ELP4: variants seen among roughly 807,000 people sequenced by gnomAD.
The protein encoded by ELP4 is elongator complex protein 4.
A neutral mutation model predicts 48.9 loss-of-function variants in ELP4; 51 were observed. That is an observed-to-expected ratio of 1.04 (90% CI 0.83 to 1.32). The LOEUF is 1.32. Among genes scored for constraint, ELP4 ranks in the 40% most tolerant of loss-of-function variants. The pLI is 0.00. For missense variants in ELP4, 519 were observed against 514.6 expected (o/e 1.01, Z -0.08); for synonymous variants, 210 against 189.2 (o/e 1.11, Z -0.90).
chr11:31,683,394 T>A (rs1946096001), intron 9 of ELP4, among the ~76,000 whole-genome samples: 1 of 152,178 alleles, frequency 6.6e-6, no homozygotes, highest in African/African-American at 2.4e-5. Flanking sequence ...TTTCCATTTT[T>A]AAAAATATAA....
intron 3 of ELP4, among the ~76,000 whole-genome samples, chr11:31,587,440 G>A (rs1229485299): frequency 6.6e-6 from 1 of 152,168 alleles, no homozygotes; most frequent in African/African-American, 2.4e-5. Flanking sequence ...AGGGGAAAAG[G>A]AAAGAGAAAT....
At chr11:31,756,738 A>G (rs1947840886) in intron 9 of ELP4, among the ~76,000 whole-genome samples, 1 of 152,174 alleles carries the variant, frequency 6.6e-6, no homozygotes, top group African/African-American at 2.4e-5. Context: ...AGTATTAAGC[A>G]AAAAAAGTTT....
chr11:31,730,074 A>G (rs1016531511), intron 9 of ELP4, among the ~76,000 whole-genome samples: 3 of 152,190 alleles, frequency 2.0e-5, no homozygotes, highest in Non-Finnish European at 4.4e-5. Context: ...ATACTCCCAC[A>G]CCCCAGGCAA....
chr11:31,696,265 G>A (rs534198082), intron 9 of ELP4, among the ~76,000 whole-genome samples: 3 of 152,198 alleles, frequency 2.0e-5, no homozygotes, highest in African/African-American at 7.2e-5. Flanking sequence ...ATGTTAGGGT[G>A]TCAATTTTAG....
intron 9 of ELP4, among the ~76,000 whole-genome samples, chr11:31,742,967 A>C (rs1195979034): frequency 1.3e-5 from 2 of 152,210 alleles, no homozygotes; most frequent in African/African-American, 2.4e-5. Flanking sequence ...AAATGGATAA[A>C]GAGTCAAGAC....
At chr11:31,750,382 C>A (rs562972716) in intron 9 of ELP4, among the ~76,000 whole-genome samples, 32 of 152,046 alleles carry the variant, frequency 2.1e-4, no homozygotes, top group African/African-American at 7.0e-4. Context: ...AACAATGAAG[C>A]TTTCAGGAAA....
At chr11:31,623,382 TA>T (rs1944666410) in intron 5 of ELP4, among the ~76,000 whole-genome samples, 1 of 92,048 alleles carries the variant, frequency 1.1e-5, no homozygotes, top group African/African-American at 3.7e-5. Flanking sequence ...TATATATATA[TA>T]TATATATAAA....
At chr11:31,553,759 CACACA>C (rs1956889112) in intron 3 of ELP4, among the ~76,000 whole-genome samples, 2 of 151,632 alleles carry the variant, frequency 1.3e-5, no homozygotes, top group African/African-American at 4.9e-5. Flanking sequence ...CACACACACA[CACACA>C]CCCTATTGGT....
intron 5 of ELP4, among the ~76,000 whole-genome samples, chr11:31,616,625 T>C (rs1337610221): frequency 2.6e-5 from 4 of 152,008 alleles, no homozygotes; most frequent in Non-Finnish European, 5.9e-5. Flanking sequence ...TAATCAACAG[T>C]GAAAAGGCAA....
At chr11:31,678,103 T>C (rs1298858359) in intron 9 of ELP4, among the ~76,000 whole-genome samples, 3 of 152,184 alleles carry the variant, frequency 2.0e-5, no homozygotes, top group Non-Finnish European at 4.4e-5. Context: ...CACAATGCCA[T>C]GTAATTACGT....
intron 9 of ELP4, among the ~76,000 whole-genome samples, chr11:31,656,658 G>T (rs1423584764): frequency 6.6e-6 from 1 of 151,932 alleles, no homozygotes; most frequent in African/African-American, 2.4e-5. Context: ...CAAATATTTA[G>T]AATCTTACTA....
At chr11:31,737,901 T>C (rs1947355048) in intron 9 of ELP4, among the ~76,000 whole-genome samples, 1 of 152,154 alleles carries the variant, frequency 6.6e-6, no homozygotes, top group Non-Finnish European at 1.5e-5. Context: ...AAAAATTAAA[T>C]AGAATTTACA....
At chr11:31,687,061 G>A (rs556899495) in intron 9 of ELP4, among the ~76,000 whole-genome samples, 1 of 152,240 alleles carries the variant, frequency 6.6e-6, no homozygotes, top group East Asian at 1.9e-4. Flanking sequence ...CATTTAGTAA[G>A]AGAAAAGGAG....
rs189231478 is a variant in ELP4 at position 31,548,174 on chromosome 11, T to G, written c.381+8391T>G. Reference sequence around the variant, plus strand: ...GGAGAAGGAAATAAGGGTATTCAATTAGGAAAAGAGGAAGTCAAATTGTCC... The same window carrying G: ...GGAGAAGGAAATAAGGGTATTCAATGAGGAAAAGAGGAAGTCAAATTGTCC... On this transcript the variant is annotated intron_variant, in intron 3 of 9. Coordinates refer to ENST00000640961, the MANE Select transcript of ELP4 (RefSeq NM_019040.5). Among the ~76,000 whole-genome samples, 12 of 152,224 alleles carry G rather than the reference T, an allele frequency of 7.9e-5. No individual in the cohort carries two copies. The East Asian group carries it at 2.3e-3, about 30-fold the overall frequency.
intron 9 of ELP4, among the ~76,000 whole-genome samples, chr11:31,688,409 T>C (rs186427739): frequency 2.0e-5 from 3 of 152,322 alleles, no homozygotes; most frequent in Non-Finnish European, 2.9e-5. Flanking sequence ...ACCCAAGTAA[T>C]TGAATTTGAA....
chr11:31,665,655 C>CTTTTTT (rs71060496), intron 9 of ELP4, among the ~76,000 whole-genome samples: 12 of 79,682 alleles, frequency 1.5e-4, no homozygotes, highest in Non-Finnish European at 1.8e-4. Flanking sequence ...GTCTCTCTTC[C>CTTTTTT]TTTTTTTTTT....
At chr11:31,776,375 T>C (rs1384273845) in intron 9 of ELP4, among the ~76,000 whole-genome samples, 1 of 152,204 alleles carries the variant, frequency 6.6e-6, no homozygotes, top group Non-Finnish European at 1.5e-5. Context: ...ATAGCACTTC[T>C]GCTCCAGATG....
chr11:31,611,513 T>C (rs541701106), intron 5 of ELP4, among the ~76,000 whole-genome samples: 5 of 152,250 alleles, frequency 3.3e-5, no homozygotes, highest in African/African-American at 9.6e-5. Context: ...CTGGATCTCA[T>C]TGAGGTTGGG....
At chr11:31,568,935 A>T (rs527458753) in intron 3 of ELP4, among the ~76,000 whole-genome samples, 2 of 152,002 alleles carry the variant, frequency 1.3e-5, no homozygotes, top group South Asian at 2.1e-4. Context: ...AAATACAAGA[A>T]TTAGCCAGGT....
Sources: allele counts gnomAD v4.1 joint callset (sites outside exome capture counted in the v4.1 genomes callset), GRCh38; gene constraint gnomAD v4.1.1; transcripts MANE v1.5; gene names NCBI Gene and HGNC (gene_info 2026-07-23, HGNC 2026-07-21).